PCDH11X: variants seen among roughly 807,000 people sequenced by gnomAD.
PCDH11X encodes protocadherin 11 X-linked.
A neutral mutation model predicts 53.3 loss-of-function variants in PCDH11X; 18 were observed. The ratio of observed to expected loss-of-function variants is 0.34; its 90% CI spans 0.23 to 0.50. The LOEUF is 0.50. PCDH11X is among the 20% of genes least tolerant of loss of function. The pLI is 0.98. For missense variants in PCDH11X, 570 were observed against 1,032.4 expected (o/e 0.55, Z 6.14); for synonymous variants, 279 against 393.3 (o/e 0.71, Z 3.44).
chrX:91,949,351 A>G (rs2061611915), intron 6 of PCDH11X, among the ~76,000 whole-genome samples: 1 of 107,232 alleles, frequency 9.3e-6, no homozygotes, highest in Non-Finnish European at 1.9e-5. Context: ...GCAGATATAG[A>G]GGGAAAAAAA....
At chrX:92,480,382 G>A (rs972674709) in intron 10 of PCDH11X, among the ~76,000 whole-genome samples, 15 of 111,168 alleles carry the variant, frequency 1.3e-4, no homozygotes, top group Non-Finnish European at 2.4e-4. Flanking sequence ...GTGAAGAACC[G>A]TTGCTAGAGA....
intron 10 of PCDH11X, among the ~76,000 whole-genome samples, chrX:92,576,543 T>G (rs1442670981): frequency 2.0e-5 from 2 of 101,008 alleles, no homozygotes; most frequent in Non-Finnish European, 4.0e-5. Context: ...ACAAATTAGT[T>G]TCTTGTTTTT....
intron 8 of PCDH11X, among the ~76,000 whole-genome samples, chrX:92,322,283 A>C (rs2069232910): frequency 9.0e-6 from 1 of 111,380 alleles, no homozygotes; most frequent in East Asian, 2.8e-4. Flanking sequence ...TGACTGAATC[A>C]AATATGCATG....
chrX:92,464,248 T>C (rs1603336742), intron 9 of PCDH11X, among the ~76,000 whole-genome samples: 1 of 111,367 alleles, frequency 9.0e-6, no homozygotes, highest in East Asian at 2.9e-4. Flanking sequence ...GTAGCTCATA[T>C]GGTTTGGCTG....
intron 6 of PCDH11X, among the ~76,000 whole-genome samples, chrX:92,026,320 ATT>A (rs2062969102): frequency 9.2e-6 from 1 of 109,250 alleles, no homozygotes; most frequent in Non-Finnish European, 1.9e-5. Flanking sequence ...TGTAATGCCT[ATT>A]GCTGCTTTCA....
chrX:91,973,519 G>T (rs1211753051), intron 6 of PCDH11X, among the ~76,000 whole-genome samples: 1 of 105,532 alleles, frequency 9.5e-6, no homozygotes. Context: ...AAAATGATAA[G>T]TATGTGAGCT....
intron 10 of PCDH11X, among the ~76,000 whole-genome samples, chrX:92,499,443 T>TG (rs1556452641): frequency 1.7e-5 from 1 of 59,083 alleles, no homozygotes; most frequent in Non-Finnish European, 3.4e-5. Context: ...ATCTGGAGTT[T>TG]GAAAAAAAAA....
At chrX:92,451,480 A>G (rs1267746408) in intron 9 of PCDH11X, among the ~76,000 whole-genome samples, 1 of 110,256 alleles carries the variant, frequency 9.1e-6, no homozygotes, top group African/African-American at 3.3e-5. Flanking sequence ...AATTTTAAAA[A>G]CCACTGATTT....
chrX:92,422,498 T>A (rs2071993261), intron 9 of PCDH11X, among the ~76,000 whole-genome samples: 1 of 110,769 alleles, frequency 9.0e-6, no homozygotes. Context: ...ATATCATTCC[T>A]TTTTATGGCT....
intron 6 of PCDH11X, among the ~76,000 whole-genome samples, chrX:92,104,170 A>G (rs139345963): frequency 0.16 from 17,509 of 110,318 alleles, 1,221 homozygotes; most frequent in East Asian, 0.4. Context: ...GGGGAGTGCT[A>G]GTCACGGAAT....
chrX:92,447,146 A>T (rs1398263614), intron 9 of PCDH11X, among the ~76,000 whole-genome samples: 5 of 112,285 alleles, frequency 4.5e-5, no homozygotes, highest in African/African-American at 1.6e-4. Context: ...ATATAAAAGT[A>T]CAGAAATTTT....
intron 7 of PCDH11X, among the ~76,000 whole-genome samples, chrX:92,235,905 C>T (rs149761425): frequency 9.0e-6 from 1 of 110,923 alleles, no homozygotes; most frequent in Non-Finnish European, 1.9e-5. Flanking sequence ...CATGTTATCA[C>T]GGTATTGAAC....
chrX:92,079,870 T>A (rs1457304806), intron 6 of PCDH11X, among the ~76,000 whole-genome samples: 1 of 111,754 alleles, frequency 8.9e-6, no homozygotes, highest in Non-Finnish European at 1.9e-5. Flanking sequence ...CCAAAGGATG[T>A]TGTGGTAGGC....
intron 7 of PCDH11X, among the ~76,000 whole-genome samples, chrX:92,206,801 A>G (rs889391546): frequency 1.8e-5 from 2 of 111,166 alleles, no homozygotes; most frequent in Non-Finnish European, 3.8e-5. Context: ...TGCTGGGATT[A>G]TAGGTGTGAG....
At chrX:92,505,131 G>GT (rs148303599) in intron 10 of PCDH11X, among the ~76,000 whole-genome samples, 27,152 of 78,332 alleles carry the variant, frequency 0.35, 3,762 homozygotes, top group Non-Finnish European at 0.43. Flanking sequence ...GTTGATAGTT[G>GT]TTTTTTCTTT....
intron 5 of PCDH11X, among the ~76,000 whole-genome samples, chrX:91,839,677 T>G (rs1024377599): frequency 3.6e-5 from 4 of 110,318 alleles, no homozygotes; most frequent in Admixed American, 2.9e-4. Flanking sequence ...ACCAAGTAAT[T>G]CTGCTTGTTT....
At chrX:92,113,458 C>T in intron 6 of PCDH11X, 2 of 1,204,144 alleles carry the variant, frequency 1.7e-6, no homozygotes, top group Non-Finnish European at 2.2e-6. Flanking sequence ...CACATCAATG[C>T]CTCTGGCCAG....
chrX:91,927,523 C>A (rs1249911627), intron 6 of PCDH11X, among the ~76,000 whole-genome samples: 2 of 110,539 alleles, frequency 1.8e-5, no homozygotes, highest in Non-Finnish European at 3.8e-5. Context: ...AACTATAAAG[C>A]CTTTTAAAGG....
At chrX:92,328,579 G>A (rs2069389637) in intron 8 of PCDH11X, among the ~76,000 whole-genome samples, 1 of 110,432 alleles carries the variant, frequency 9.1e-6, no homozygotes, top group Non-Finnish European at 1.9e-5. Flanking sequence ...TAAAAAGAGA[G>A]AAGAAAATTA....
Sources: gnomAD v4.1 joint callset for allele counts (sites outside exome capture counted in the v4.1 genomes callset) on GRCh38, gnomAD v4.1.1 for gene constraint, MANE v1.5 for transcripts, NCBI Gene and HGNC (gene_info 2026-07-23, HGNC 2026-07-21) for gene names.